The following CSF2RB variants were observed in gnomAD, a reference collection of about 807,000 sequenced individuals.
CSF2RB encodes the protein colony stimulating factor 2 receptor subunit beta, also known as cytokine receptor common subunit beta.
Under a neutral mutation model 67.2 loss-of-function variants are expected in CSF2RB, and 22 were observed. That is an observed-to-expected ratio of 0.33 (90% confidence interval 0.23 to 0.47). The LOEUF is 0.47. CSF2RB is among the 20% of genes least tolerant of loss of function. CSF2RB has a pLI of 1.00. For synonymous variants in CSF2RB, 507 were observed against 482.9 expected (o/e 1.05, Z -0.65); for missense variants, 1,113 against 1,174.5 (o/e 0.95, Z 0.76).
chr22:36,930,894 C>G, intron 8 of CSF2RB, 64 bp downstream of exon 8: 1 of 1,587,024 alleles, frequency 6.3e-7, no homozygotes, highest in Non-Finnish European at 8.6e-7. Flanking sequence ...TTGTGTAACC[C>G]GAATCAGTTC....
rs1211204889 is a variant in CSF2RB at position 36,931,888 on chromosome 22, G to A, written c.1013-877G>A. ...TTGGGGATTTTCTGGCGATGAGAACGTGTGAATGTCCTGGCCTTTAGTCAA... is the reference window on the plus strand; with the variant it reads ...TTGGGGATTTTCTGGCGATGAGAACATGTGAATGTCCTGGCCTTTAGTCAA... On this transcript the variant is annotated intron_variant, in intron 8 of 13. Transcript: ENST00000403662. Among the ~76,000 whole-genome samples the A allele has an allele frequency of 4.6e-5, 7 of 152,172 alleles. No individual in the cohort carries two copies. In the South Asian group the frequency reaches 6.2e-4, roughly 13 times the overall value.
intron 1 of CSF2RB, among the ~76,000 whole-genome samples, chr22:36,913,941 T>TAGCGGGA (rs1366801710): frequency 6.6e-6 from 1 of 151,952 alleles, no homozygotes; most frequent in African/African-American, 2.4e-5. Context: ...TCAGCCTCGC[T>TAGCGGGA]AGCGGGATCT....
chr22:36,936,509 C>T (rs922179340), intron 12 of CSF2RB, 40 bp from the exon 13 acceptor site: 3 of 1,599,498 alleles, frequency 1.9e-6, no homozygotes, highest in South Asian at 1.1e-5. Context: ...CACCTCGGAC[C>T]TCCTGATGCT....
chr22:36,916,798 G>T (rs1440427644), intron 1 of CSF2RB, among the ~76,000 whole-genome samples: 1 of 152,178 alleles, frequency 6.6e-6, no homozygotes, highest in Non-Finnish European at 1.5e-5. Context: ...GGCAAAGTTT[G>T]CAGTGAGCCG....
chr22:36,923,938 A>G, intron 3 of CSF2RB: 1 of 430,174 alleles, frequency 2.3e-6, no homozygotes. Context: ...CACCTCTCCC[A>G]CCCAAGCTCT....
intron 6 of CSF2RB, 142 bp from the exon 7 acceptor site, chr22:36,930,233 G>A (rs1250448346): frequency 1.8e-6 from 2 of 1,133,036 alleles, no homozygotes; most frequent in African/African-American, 1.5e-5. Flanking sequence ...CACACAGCTG[G>A]CAGGTTCAGG....
chr22:36,915,074 G>T (rs1468432655), intron 1 of CSF2RB, among the ~76,000 whole-genome samples: 1 of 151,910 alleles, frequency 6.6e-6, no homozygotes, highest in Non-Finnish European at 1.5e-5. Flanking sequence ...TTTCCTGTTT[G>T]TTTTTTGTTT....
intron 3 of CSF2RB, 138 bp downstream of exon 3, chr22:36,923,505 C>T (rs1940931981): frequency 1.5e-6 from 2 of 1,356,942 alleles, no homozygotes; most frequent in Non-Finnish European, 2.0e-6. Flanking sequence ...AGGAGGGAGG[C>T]CCTGCAAGAG....
chr22:36,933,705 G>A (rs1941208076), intron 9 of CSF2RB, 127 bp from the exon 10 acceptor site: 1 of 1,305,878 alleles, frequency 7.7e-7, no homozygotes, highest in African/African-American at 1.5e-5. Context: ...TGGTGAGAGA[G>A]AAGCCGCAGC....
intron 1 of CSF2RB, among the ~76,000 whole-genome samples, chr22:36,918,773 G>T (rs899214990): frequency 3.3e-5 from 5 of 152,172 alleles, no homozygotes; most frequent in African/African-American, 1.2e-4. Context: ...TATAAAAGAT[G>T]CCCAGAGGTA....
At position 36,929,776 on chromosome 22, in the gene CSF2RB, G is replaced by A. The variant is rs180766723; in HGVS notation, c.687G>A (p.Trp229Ter). The change falls in exon 6 of 14, where the codon TGG becomes TGA. Residue 229 changes from tryptophan (W) to a stop codon, truncating the protein, a stop_gained. Transcript: ENST00000403662. LOFTEE classifies it high-confidence loss of function. Reference sequence around the variant, plus strand: ...GGCTCTCAGGACGTCCCAGCAAGTGGAGCCCAGAGGTTTGCTGGGACTCCC... The same window carrying A: ...GGCTCTCAGGACGTCCCAGCAAGTGAAGCCCAGAGGTTTGCTGGGACTCCC... ...GSRLSGRPSK[W>*]SPEVCWDSQP... 6.2e-7 allele frequency: 1 copy of A among 1,614,078 alleles called. No individual in the cohort carries two copies. Among genetic ancestry groups the A allele is most frequent in the East Asian group, 2.2e-5 (1 of 44,886 alleles).
At chr22:36,936,052 G>A (rs1486563041) in intron 12 of CSF2RB, among the ~76,000 whole-genome samples, 1 of 152,202 alleles carries the variant, frequency 6.6e-6, no homozygotes, top group Non-Finnish European at 1.5e-5. Flanking sequence ...GAGGGTCCCA[G>A]TGGTGCCAGG....
At chr22:36,936,865 G>A (rs1410836634) in intron 13 of CSF2RB, among the ~76,000 whole-genome samples, 3 of 152,156 alleles carry the variant, frequency 2.0e-5, no homozygotes, top group Non-Finnish European at 4.4e-5. Flanking sequence ...GGGAGTGACC[G>A]GAAGTGAAAG....
intron 1 of CSF2RB, among the ~76,000 whole-genome samples, chr22:36,921,519 A>C (rs1940869707): frequency 6.6e-6 from 1 of 152,002 alleles, no homozygotes; most frequent in African/African-American, 2.4e-5. Context: ...CCAACAATCT[A>C]ACAGAAGAAA....
rs1471219715 is a variant in CSF2RB, at chr22:36,937,932, C to T, written c.2124C>T (p.Ala708=). Residue 708 remains alanine, a synonymous_variant, in exon 14 of 14, where the codon GCC becomes GCT. Transcript: ENST00000403662. This position sits in a 1 kb window ranked among gnomAD's most constrained non-coding sequence, Gnocchi z 4.6. ...SSGDTEDPGV[A]SGYVSSADLV... ...GGGACACTGAGGACCCTGGAGTGGC[C>T]TCTGGTTATGTCTCCTCTGCAGACC... The T allele has an allele frequency of 1.2e-6, 2 of 1,613,784 alleles. No individual in the cohort carries two copies. The highest frequency in any genetic ancestry group is 8.5e-7 in the Non-Finnish European group (1 of 1,179,852).
rs1048710825 is a variant in CSF2RB at position 36,938,559 on chromosome 22, G to GA, written c.*58dup. The GA allele has an allele frequency of 3.3e-6, 5 of 1,537,974 alleles. No homozygotes were observed. Among genetic ancestry groups the GA allele is most frequent in the Non-Finnish European group, 2.6e-6 (3 of 1,140,688 alleles). ...AGAGGGCTTGCCTTCCCTCCCGCCT[G>GA]ACCTTCCTCAGTCATTTCTGCAAAG... On this transcript the variant is annotated 3_prime_UTR_variant, in exon 14 of 14. Coordinates refer to ENST00000403662, the MANE Select transcript of CSF2RB (RefSeq NM_000395.3).
rs1405483889 is a variant in CSF2RB, at chr22:36,940,321, C to T, written c.*1819C>T. 2.6e-5 allele frequency: 4 copies of T among 152,166 alleles called. No homozygotes were observed. The East Asian group carries it at 7.7e-4, about 29-fold the overall frequency. 9.4% of individuals were successfully genotyped at this position (152,166 alleles called of 1,614,324 possible). On this transcript the variant is annotated 3_prime_UTR_variant, in exon 14 of 14. Transcript: ENST00000403662. ...TTAGTACATTGTAAAGTAGAATCCTCTGTTCATAATGAACAAGATGAACCA... is the reference window on the plus strand; with the variant it reads ...TTAGTACATTGTAAAGTAGAATCCTTTGTTCATAATGAACAAGATGAACCA...
rs150774863 is a variant in CSF2RB, at chr22:36,935,380, G to A, written c.1345G>A (p.Val449Met). 23 of 1,614,036 alleles carry A rather than the reference G, an allele frequency of 1.4e-5. No individual in the cohort carries two copies. Among genetic ancestry groups the A allele is most frequent in the Admixed American group, 1.2e-4 (7 of 60,006 alleles). The change falls in exon 11 of 14, where the codon GTG becomes ATG. Residue 449 changes from valine (V) to methionine (M), a missense_variant. Val to Met is a conservative substitution (Grantham distance 21). Transcript: ENST00000403662. ...VLPMWVLALI[V>M]IFLTIAVLLA... is the part of the protein sequence containing the mutation. Reference sequence around the variant, plus strand: ...GCCTATGTGGGTGCTGGCCCTCATCGTGATCTTCCTCACCATCGCTGTGCT... The same window carrying A: ...GCCTATGTGGGTGCTGGCCCTCATCATGATCTTCCTCACCATCGCTGTGCT...
chr22:36,933,756 A>G, intron 9 of CSF2RB, 76 bp from the exon 10 acceptor site: 1 of 1,533,976 alleles, frequency 6.5e-7, no homozygotes, highest in East Asian at 2.4e-5. Flanking sequence ...AGCGAAGCCG[A>G]GGGTCCAGGT....
Sources: gnomAD v4.1 joint callset for allele counts (sites outside exome capture counted in the v4.1 genomes callset) on GRCh38, gnomAD v4.1.1 for gene constraint, Gnocchi (gnomAD v3.1) non-coding constraint, MANE v1.5 for transcripts, NCBI Gene and HGNC (gene_info 2026-07-23, HGNC 2026-07-21) for gene names.